The following ARHGAP6 variants were observed in gnomAD, a reference collection of about 807,000 sequenced individuals.
ARHGAP6 encodes the protein rho GTPase-activating protein 6.
In ARHGAP6, 16 loss-of-function variants were observed where a neutral mutation model predicts 55.7. The observed-to-expected ratio is 0.29, with a 90% CI of 0.19 to 0.44. ARHGAP6 has a LOEUF of 0.44. Among genes scored for constraint, ARHGAP6 ranks in the 20% least tolerant of loss-of-function variants. ARHGAP6 has a pLI of 1.00. For missense variants in ARHGAP6, 698 were observed against 808.9 expected, an observed-to-expected ratio of 0.86 and a Z score of 1.66; for synonymous variants, 382 against 360.9, an observed-to-expected ratio of 1.06 and a Z score of -0.66.
At chrX:11,452,590 T>C (rs910969324) in intron 1 of ARHGAP6, among the ~76,000 whole-genome samples, 6 of 112,479 alleles carry the variant, frequency 5.3e-5, no homozygotes, top group Non-Finnish European at 9.4e-5. Flanking sequence ...TTCTGACCGA[T>C]GCTATGCTTA....
intron 8 of ARHGAP6, among the ~76,000 whole-genome samples, chrX:11,174,500 A>G (rs2046140196): frequency 9.5e-6 from 1 of 105,736 alleles, no homozygotes; most frequent in African/African-American, 3.5e-5. Context: ...TTCAAATCCC[A>G]AGGCCATTCT....
intron 1 of ARHGAP6, among the ~76,000 whole-genome samples, chrX:11,537,957 A>T (rs1217154558): frequency 2.7e-5 from 3 of 111,396 alleles, no homozygotes; most frequent in Non-Finnish European, 5.7e-5. Flanking sequence ...GAATAAAAAA[A>T]AAAACCCAAT....
intron 2 of ARHGAP6, among the ~76,000 whole-genome samples, chrX:11,241,253 G>T (rs1324705571): frequency 9.1e-6 from 1 of 109,411 alleles, no homozygotes; most frequent in African/African-American, 3.3e-5. Flanking sequence ...TTTGGTGGGG[G>T]TTTCCACCAG....
intron 1 of ARHGAP6, among the ~76,000 whole-genome samples, chrX:11,405,460 C>A (rs574400872): frequency 8.9e-6 from 1 of 111,853 alleles, no homozygotes; most frequent in Middle Eastern, 4.7e-3. Flanking sequence ...TTTCTTTTTT[C>A]TTTCTTTTTA....
intron 1 of ARHGAP6, among the ~76,000 whole-genome samples, chrX:11,473,382 T>G (rs1276228712): frequency 8.9e-6 from 1 of 112,043 alleles, no homozygotes; most frequent in African/African-American, 3.2e-5. Context: ...GTATGTGACC[T>G]TATTTAGAAA....
intron 1 of ARHGAP6, among the ~76,000 whole-genome samples, chrX:11,493,168 CATT>C (rs1200324483): frequency 8.9e-6 from 1 of 112,161 alleles, no homozygotes; most frequent in Non-Finnish European, 1.9e-5. Flanking sequence ...CTTATATGCA[CATT>C]ATAATATAAA....
intron 2 of ARHGAP6, among the ~76,000 whole-genome samples, chrX:11,241,972 A>T (rs966943340): frequency 1.8e-5 from 2 of 111,689 alleles, no homozygotes; most frequent in Non-Finnish European, 3.8e-5. Flanking sequence ...AAATTATCAA[A>T]GGTGTGGTCA....
intron 3 of ARHGAP6, among the ~76,000 whole-genome samples, chrX:11,193,822 C>A (rs2046495799): frequency 8.9e-6 from 1 of 112,676 alleles, no homozygotes; most frequent in African/African-American, 3.2e-5. Context: ...AATTCAAATT[C>A]TTGCTTCCTG....
intron 1 of ARHGAP6, among the ~76,000 whole-genome samples, chrX:11,425,889 A>T (rs768261149): frequency 8.9e-6 from 1 of 111,868 alleles, no homozygotes; most frequent in South Asian, 3.8e-4. Context: ...ATCAAAGGGT[A>T]CCAGCACACA....
intron 1 of ARHGAP6, chrX:11,427,460 A>G: frequency 1.1e-6 from 1 of 897,129 alleles, no homozygotes; most frequent in East Asian, 1.1e-4. Context: ...ACCTGTGGGG[A>G]GCCCCGACTA....
At chrX:11,555,516 G>T (rs1446387274) in intron 1 of ARHGAP6, among the ~76,000 whole-genome samples, 1 of 110,567 alleles carries the variant, frequency 9.0e-6, no homozygotes, top group Non-Finnish European at 1.9e-5. Flanking sequence ...CACTTTGAGA[G>T]GCCAAGGTGG....
chrX:11,410,678 A>G (rs192792736), intron 1 of ARHGAP6, among the ~76,000 whole-genome samples: 39 of 112,246 alleles, frequency 3.5e-4, no homozygotes, highest in Non-Finnish European at 6.2e-4. Flanking sequence ...ATGATGCTAT[A>G]CCTTGAGTTT....
intron 1 of ARHGAP6, among the ~76,000 whole-genome samples, chrX:11,652,621 CAAT>C (rs1327140085): frequency 1.8e-5 from 2 of 112,117 alleles, no homozygotes; most frequent in African/African-American, 6.5e-5. Context: ...TCCCTAGCAA[CAAT>C]AATAATTCAG....
At chrX:11,311,834 T>C (rs2048305106) in intron 1 of ARHGAP6, among the ~76,000 whole-genome samples, 1 of 111,747 alleles carries the variant, frequency 8.9e-6, no homozygotes, top group Admixed American at 9.6e-5. Context: ...CACGCTATGT[T>C]ACTTTTTAAG....
intron 9 of ARHGAP6, among the ~76,000 whole-genome samples, chrX:11,160,179 G>A (rs866553056): frequency 3.6e-4 from 40 of 110,322 alleles, no homozygotes; most frequent in Middle Eastern, 4.6e-3. Context: ...GCTGGGTGCG[G>A]TGGCTCACGC....
intron 2 of ARHGAP6, among the ~76,000 whole-genome samples, chrX:11,226,238 C>T (rs769700406): frequency 2.1e-4 from 22 of 106,180 alleles, no homozygotes; most frequent in South Asian, 1.8e-3. Context: ...TGAGAACATG[C>T]GGTGTTTGGT....
rs192300302 is a variant in ARHGAP6 at position 11,584,881 on chromosome X, T to C, written c.588+79360A>G. On this transcript the variant is annotated intron_variant, in intron 1 of 12. Transcript: ENST00000337414. The stretch of plus-strand genomic sequence containing the variant: ...GTTAAGGTTACATGTGCAAGTTCAT[T>C]ATATAGGGAAATCAGTGTCATGGAG... Among the ~76,000 whole-genome samples the C allele has an allele frequency of 4.5e-5, 5 of 111,860 alleles. 1 individual carries two copies. In the Admixed American group the frequency reaches 4.7e-4, roughly 11 times the overall value.
At chrX:11,506,765 T>C (rs1237827739) in intron 1 of ARHGAP6, among the ~76,000 whole-genome samples, 1 of 111,618 alleles carries the variant, frequency 9.0e-6, no homozygotes, top group Non-Finnish European at 1.9e-5. Flanking sequence ...AGTAATGGGA[T>C]GGCTGGGTCA....
At chrX:11,183,137 C>T (rs761268368) in intron 5 of ARHGAP6, among the ~76,000 whole-genome samples, 7 of 111,092 alleles carry the variant, frequency 6.3e-5, no homozygotes, top group African/African-American at 1.3e-4. Flanking sequence ...GTATACTGCT[C>T]GGGTGATGGG....
Sources: gnomAD v4.1 joint callset for allele counts (sites outside exome capture counted in the v4.1 genomes callset) on GRCh38, gnomAD v4.1.1 for gene constraint, MANE v1.5 for transcripts, NCBI Gene and HGNC (gene_info 2026-07-23, HGNC 2026-07-21) for gene names.